OVCH1: variants seen among roughly 807,000 people sequenced by gnomAD.
OVCH1 encodes ovochymase 1, also known as ovochymase-1.
Under a neutral mutation model 138.4 loss-of-function variants are expected in OVCH1, and 139 were observed. The observed-to-expected ratio is 1.00, with a 90% CI of 0.87 to 1.16. The LOEUF is 1.16. Among genes scored for constraint, OVCH1 ranks in the 50% most tolerant of loss-of-function variants. The pLI, the probability that OVCH1 is intolerant of heterozygous loss-of-function variation, is 0.00. For missense variants in OVCH1, 1,367 were observed against 1,357.9 expected, an observed-to-expected ratio of 1.01 and a Z score of -0.11; for synonymous variants, 453 against 467.8, an observed-to-expected ratio of 0.97 and a Z score of 0.41.
At chr12:29,454,229 T>A (rs775490916) in intron 21 of OVCH1, among the ~76,000 whole-genome samples, 1 of 152,156 alleles carries the variant, frequency 6.6e-6, no homozygotes, top group Non-Finnish European at 1.5e-5. Flanking sequence ...AATTCTACCT[T>A]CTATATCTTA....
At chr12:29,455,673 C>T (rs1212492493) in intron 19 of OVCH1, among the ~76,000 whole-genome samples, 1 of 152,176 alleles carries the variant, frequency 6.6e-6, no homozygotes. Context: ...ACTAAATCTT[C>T]CCAGCCCCAT....
chr12:29,443,870 A>G (rs1304664502), intron 24 of OVCH1, among the ~76,000 whole-genome samples: 1 of 152,092 alleles, frequency 6.6e-6, no homozygotes, highest in Non-Finnish European at 1.5e-5. Flanking sequence ...TACATACATT[A>G]TATCAGCCTC....
the OVCH1 span, among the ~76,000 whole-genome samples, chr12:29,404,020 C>T: frequency 6.6e-6 from 1 of 152,196 alleles, no homozygotes; most frequent in South Asian, 2.1e-4. Context: ...ATTGAATGTA[C>T]AAACACACCA....
chr12:29,440,422 C>T (rs1215882472), intron 25 of OVCH1: 3 of 187,046 alleles, frequency 1.6e-5, no homozygotes, highest in South Asian at 2.0e-4. Context: ...TTTGTGTGCC[C>T]TTTCACCCAT....
At chr12:29,412,116 C>T (rs544292285), downstream of OVCH1, among the ~76,000 whole-genome samples, 6 of 152,222 alleles carry the variant, frequency 3.9e-5, no homozygotes, top group South Asian at 4.2e-4. Context: ...GAGCCAGGTG[C>T]GGGATATAAT....
chr12:29,464,264 C>G (rs1228670330), intron 18 of OVCH1: 1 of 533,794 alleles, frequency 1.9e-6, no homozygotes, highest in African/African-American at 1.9e-5. Flanking sequence ...ATTATCTGGC[C>G]CATTACAGTA....
chr12:29,441,386 A>C (rs1295509743), intron 25 of OVCH1, among the ~76,000 whole-genome samples: 2 of 152,222 alleles, frequency 1.3e-5, no homozygotes, highest in Non-Finnish European at 2.9e-5. Context: ...TCCCTATTTA[A>C]TAAATGGTGC....
chr12:29,441,403 A>G (rs1306304696), intron 25 of OVCH1, among the ~76,000 whole-genome samples: 1 of 152,212 alleles, frequency 6.6e-6, no homozygotes, highest in Non-Finnish European at 1.5e-5. Flanking sequence ...GTGCTGGGAA[A>G]ACTGGCTAGC....
At chr12:29,451,643 C>G in intron 21 of OVCH1, 74 bp from the exon 22 acceptor site, 3 of 1,195,176 alleles carry the variant, frequency 2.5e-6, no homozygotes, top group Non-Finnish European at 3.5e-6. Flanking sequence ...TATCACAAGA[C>G]TGAAAAATCT....
At chr12:29,411,025 A>G (rs1354289674), downstream of OVCH1, among the ~76,000 whole-genome samples, 1 of 149,272 alleles carries the variant, frequency 6.7e-6, no homozygotes, top group Non-Finnish European at 1.5e-5. Context: ...TTTTTTCTCT[A>G]AACTTCCCGT....
intron 8 of OVCH1, among the ~76,000 whole-genome samples, chr12:29,483,188 T>C (rs1306597001): frequency 6.6e-6 from 1 of 152,202 alleles, no homozygotes; most frequent in African/African-American, 2.4e-5. Flanking sequence ...TCTTGGTCAT[T>C]TTCCTTCAGA....
At chr12:29,444,259 G>A in exon 24 of OVCH1, 2 of 1,612,024 alleles carry the variant, frequency 1.2e-6, no homozygotes, top group Admixed American at 1.7e-5. Context: ...GGAAAGTCTG[G>A]TTATTTTACT....
chr12:29,496,878 C>T (rs1174411726), intron 1 of OVCH1, among the ~76,000 whole-genome samples: 2 of 152,214 alleles, frequency 1.3e-5, no homozygotes, highest in Non-Finnish European at 2.9e-5. Flanking sequence ...CTGTCTGCTC[C>T]CTTTCAGCCT....
intron 22 of OVCH1, among the ~76,000 whole-genome samples, chr12:29,446,223 C>T (rs888127575): frequency 2.6e-5 from 4 of 151,818 alleles, no homozygotes; most frequent in Non-Finnish European, 2.9e-5. Flanking sequence ...TGACTCAGTC[C>T]GTGGTCCATA....
In OVCH1 at chr12:29,491,077, G is replaced by A; in HGVS notation, c.550+20C>T. 2 of 1,592,096 alleles carry A rather than the reference G, an allele frequency of 1.3e-6. No homozygotes were observed. The highest frequency in any genetic ancestry group is 1.7e-6 in the Non-Finnish European group (2 of 1,160,318). On this transcript the variant is annotated intron_variant, in intron 5 of 27. Coordinates refer to ENST00000318184, the Ensembl canonical transcript of OVCH1. ...TACAGAGAGCTGGAAGAAGTATTAA[G>A]TCATTTTGGTGTCTCTTACTTTTGG...
At chr12:29,468,929 G>A (rs1011806234) in intron 16 of OVCH1, among the ~76,000 whole-genome samples, 2 of 152,072 alleles carry the variant, frequency 1.3e-5, no homozygotes, top group African/African-American at 4.8e-5. Context: ...AATGAACCAG[G>A]GCTCCTTGGA....
exon 18 of OVCH1, chr12:29,464,675 G>T: frequency 2.5e-6 from 4 of 1,613,390 alleles, no homozygotes; most frequent in Non-Finnish European, 2.5e-6. Flanking sequence ...AAGTCTTCAT[G>T]CACTATTATG....
chr12:29,435,704 C>T (rs146956123), intron 26 of OVCH1, among the ~76,000 whole-genome samples: 1 of 152,186 alleles, frequency 6.6e-6, no homozygotes, highest in East Asian at 1.9e-4. Context: ...TTCAACCTCC[C>T]ACTACCCTAA....
At chr12:29,452,594 A>T (rs1348961529) in intron 21 of OVCH1, among the ~76,000 whole-genome samples, 3 of 152,222 alleles carry the variant, frequency 2.0e-5, no homozygotes, top group East Asian at 3.8e-4. Context: ...AAAGCAACTG[A>T]AGTAGTTCAG....
Sources: allele counts gnomAD v4.1 joint callset (sites outside exome capture counted in the v4.1 genomes callset), GRCh38; gene constraint gnomAD v4.1.1; transcripts MANE v1.5; gene names NCBI Gene and HGNC (gene_info 2026-07-23, HGNC 2026-07-21).